The following LEF1 variants were observed in gnomAD, a reference collection of about 807,000 sequenced individuals.
LEF1 encodes the protein lymphoid enhancer-binding factor 1.
A neutral mutation model predicts 51.2 loss-of-function variants in LEF1; 14 were observed. The observed-to-expected ratio is 0.27, with a 90% confidence interval of 0.18 to 0.43. LEF1 has a LOEUF of 0.43. Ranked by LOEUF, LEF1 falls within the 20% of genes least tolerant of loss-of-function variation. The probability of loss-of-function intolerance (pLI) is 1.00; values close to 1 mark genes in which losing one functional copy is unlikely to be tolerated. For missense variants in LEF1, 386 were observed against 512.0 expected, an observed-to-expected ratio of 0.75 and a Z score of 2.37; for synonymous variants, 185 against 183.2, an observed-to-expected ratio of 1.01 and a Z score of -0.08.
chr4:108,067,958 C>T (rs1322999615), intron 9 of LEF1, among the ~76,000 whole-genome samples: 3 of 151,966 alleles, frequency 2.0e-5, no homozygotes, highest in Non-Finnish European at 4.4e-5. Context: ...GAAAATTCTT[C>T]AACTACAGCA....
chr4:108,049,561 G>T (rs1228972581), intron 11 of LEF1, among the ~76,000 whole-genome samples: 5 of 152,214 alleles, frequency 3.3e-5, no homozygotes, highest in African/African-American at 4.8e-5. Flanking sequence ...ACTCCAGAGA[G>T]CACCTGCTTC....
intron 3 of LEF1, among the ~76,000 whole-genome samples, chr4:108,124,038 C>T (rs1300827881): frequency 1.3e-5 from 2 of 152,128 alleles, no homozygotes; most frequent in African/African-American, 4.8e-5. Context: ...GCCCCTGCTA[C>T]TCCAGAGGCT....
intron 3 of LEF1, among the ~76,000 whole-genome samples, chr4:108,117,166 C>G (rs1181107067): frequency 6.6e-6 from 1 of 152,080 alleles, no homozygotes; most frequent in Non-Finnish European, 1.5e-5. Context: ...ACAAAAATTA[C>G]CTAATACTGC....
At chr4:108,099,617 T>TATATATAA (rs1371330564) in intron 3 of LEF1, among the ~76,000 whole-genome samples, 4 of 118,222 alleles carry the variant, frequency 3.4e-5, no homozygotes, top group Admixed American at 9.2e-5. Context: ...TATATATATA[T>TATATATAA]AAATAATACT....
chr4:108,065,140 C>T (rs1247845048), intron 9 of LEF1, among the ~76,000 whole-genome samples: 3 of 152,182 alleles, frequency 2.0e-5, no homozygotes, highest in African/African-American at 7.2e-5. Context: ...AAGCTTAGAT[C>T]CCACTTACAG....
At position 108,167,842 on chromosome 4, in the gene LEF1, AGG is replaced by A; in HGVS notation, c.-77_-76del. Reference sequence around the variant, plus strand: ...GCAGGAAAGACAGAGGGGTAACTCAAGGGTGGGGGAGGAAAGGAGAGTTGGAA... The same window carrying A: ...GCAGGAAAGACAGAGGGGTAACTCAAGTGGGGGAGGAAAGGAGAGTTGGAA... On this transcript the variant is annotated 5_prime_UTR_variant, in exon 1 of 12. Transcript: ENST00000265165. This position sits in a 1 kb window ranked among gnomAD's most constrained non-coding sequence, Gnocchi z 5.7. The A allele has an allele frequency of 7.8e-7, 1 of 1,290,310 alleles. No individual in the cohort carries two copies. The highest frequency in any genetic ancestry group is 1.1e-6 in the Non-Finnish European group (1 of 915,278). The allele number at this position is 1,290,310 out of a possible 1,614,324, so 79.9% of individuals were successfully genotyped here.
chr4:108,075,098 C>T (rs557321058), intron 8 of LEF1, among the ~76,000 whole-genome samples: 21 of 152,292 alleles, frequency 1.4e-4, no homozygotes, highest in Non-Finnish European at 2.6e-4. Flanking sequence ...CTGCCATGAT[C>T]TGGCTTGGGA....
intron 3 of LEF1, among the ~76,000 whole-genome samples, chr4:108,131,177 G>A (rs1004243941): frequency 6.6e-6 from 1 of 152,044 alleles, no homozygotes; most frequent in Non-Finnish European, 1.5e-5. Flanking sequence ...GCTCATGCCT[G>A]TAATCCCAGT....
intron 3 of LEF1, among the ~76,000 whole-genome samples, chr4:108,089,703 T>A (rs900713185): frequency 3.9e-5 from 6 of 152,196 alleles, no homozygotes; most frequent in Non-Finnish European, 7.4e-5. Flanking sequence ...AGCAAATAAA[T>A]GAATAAATAT....
At chr4:108,122,944 CACTT>C (rs1450069550) in intron 3 of LEF1, among the ~76,000 whole-genome samples, 17 of 152,318 alleles carry the variant, frequency 1.1e-4, no homozygotes, top group East Asian at 1.9e-4. Flanking sequence ...TGTTGGATAA[CACTT>C]ACGACAACAC....
chr4:108,115,965 G>A (rs1013051927), intron 3 of LEF1, among the ~76,000 whole-genome samples: 7 of 152,042 alleles, frequency 4.6e-5, no homozygotes, highest in Non-Finnish European at 8.8e-5. Flanking sequence ...CTGAGGAGCA[G>A]TTATGGAAAG....
chr4:108,119,320 G>T (rs1475737276), intron 3 of LEF1, among the ~76,000 whole-genome samples: 1 of 151,392 alleles, frequency 6.6e-6, no homozygotes, highest in Non-Finnish European at 1.5e-5. Flanking sequence ...TTCTATTCCT[G>T]ATCACCTTTA....
intron 3 of LEF1, among the ~76,000 whole-genome samples, chr4:108,109,304 G>A (rs1257412543): frequency 6.6e-6 from 1 of 152,190 alleles, no homozygotes; most frequent in Non-Finnish European, 1.5e-5. Flanking sequence ...AAACGCTGTT[G>A]ACTTGCTGGA....
At chr4:108,055,832 G>A (rs1737271242) in intron 11 of LEF1, among the ~76,000 whole-genome samples, 1 of 152,164 alleles carries the variant, frequency 6.6e-6, no homozygotes, top group South Asian at 2.1e-4. Flanking sequence ...GATCATTAAG[G>A]AGAGAAAAGA....
At chr4:108,152,537 T>C (rs1744423182) in intron 3 of LEF1, among the ~76,000 whole-genome samples, 1 of 152,206 alleles carries the variant, frequency 6.6e-6, no homozygotes, top group Non-Finnish European at 1.5e-5. Flanking sequence ...GAAAGTAAGC[T>C]TGGGGCCAAA....
chr4:108,069,768 C>G (rs1738328877), intron 9 of LEF1, among the ~76,000 whole-genome samples: 1 of 151,962 alleles, frequency 6.6e-6, no homozygotes, highest in Admixed American at 6.6e-5. Flanking sequence ...ACCAGCCTGG[C>G]CAACATGGTG....
intron 3 of LEF1, among the ~76,000 whole-genome samples, chr4:108,133,463 A>G (rs1358470315): frequency 6.6e-6 from 1 of 152,184 alleles, no homozygotes; most frequent in Non-Finnish European, 1.5e-5. Context: ...TTATGGCCTA[A>G]TTCTCAGAAT....
chr4:108,148,095 C>T (rs1744108713), intron 3 of LEF1, among the ~76,000 whole-genome samples: 1 of 152,156 alleles, frequency 6.6e-6, no homozygotes, highest in Non-Finnish European at 1.5e-5. Context: ...AACAGTGACA[C>T]AGTACCAACA....
At chr4:108,076,795 T>A (rs1401415476) in intron 8 of LEF1, among the ~76,000 whole-genome samples, 1 of 151,678 alleles carries the variant, frequency 6.6e-6, no homozygotes, top group African/African-American at 2.4e-5. Flanking sequence ...TCGAGGTGGG[T>A]GGATGACTTG....
Sources: gnomAD v4.1 joint callset for allele counts (sites outside exome capture counted in the v4.1 genomes callset) on GRCh38, gnomAD v4.1.1 for gene constraint, Gnocchi (gnomAD v3.1) non-coding constraint, MANE v1.5 for transcripts, NCBI Gene and HGNC (gene_info 2026-07-23, HGNC 2026-07-21) for gene names.